The following SCAPER variants were observed in gnomAD, a reference collection of about 807,000 sequenced individuals.
SCAPER encodes the protein S phase cyclin A-associated protein in the endoplasmic reticulum.
SCAPER carries 98 observed loss-of-function variants against 182.2 expected under a neutral mutation model. That is an observed-to-expected ratio of 0.54 (90% CI 0.46 to 0.64). The LOEUF (loss-of-function observed/expected upper bound fraction) is 0.64, where lower values mean the gene tolerates loss of function less well. SCAPER is among the 30% of genes least tolerant of loss of function. SCAPER has a pLI of 0.00. For synonymous variants in SCAPER, 605 were observed against 564.6 expected (o/e 1.07, Z -1.01); for missense variants, 1,432 against 1,690.0 (o/e 0.85, Z 2.68).
At chr15:76,724,726 G>C (rs984365540) in intron 17 of SCAPER, among the ~76,000 whole-genome samples, 6 of 152,110 alleles carry the variant, frequency 3.9e-5, no homozygotes, top group Non-Finnish European at 7.4e-5. Context: ...ATTAGTTACT[G>C]AGTCTTGTGC....
At chr15:76,485,795 T>TA (rs1329036474) in intron 24 of SCAPER, among the ~76,000 whole-genome samples, 3 of 152,200 alleles carry the variant, frequency 2.0e-5, no homozygotes, top group Non-Finnish European at 4.4e-5. Context: ...AAAGACTCCC[T>TA]ATTCAATAAA....
In SCAPER at chr15:76,574,264, T is replaced by C; in HGVS notation, c.2732A>G (p.Asp911Gly). ...YKAKLQRLAK[D>G]LLKQVQVQDS... ...TTGAACTTGTACTTGTTTTAGAAGA[T>C]CTTTGGCTAATCGCTGAAGCCTTTA... The change falls in exon 23 of 32, where the codon GAT becomes GGT. Residue 911 changes from aspartate (D) to glycine (G), a missense_variant. By Grantham distance (94) the Asp-to-Gly change is moderately conservative. Coordinates refer to ENST00000563290, the MANE Select transcript of SCAPER (RefSeq NM_020843.4). The C allele has an allele frequency of 6.2e-7, 1 of 1,611,738 alleles. No individual in the cohort carries two copies. Among genetic ancestry groups the C allele is most frequent in the Non-Finnish European group, 8.5e-7 (1 of 1,178,836 alleles).
chr15:76,624,666 T>A (rs1400096226), intron 21 of SCAPER, among the ~76,000 whole-genome samples: 2 of 152,164 alleles, frequency 1.3e-5, no homozygotes, highest in Non-Finnish European at 2.9e-5. Flanking sequence ...GGGTTGTTAG[T>A]GAAGGTTCTG....
intron 26 of SCAPER, among the ~76,000 whole-genome samples, chr15:76,418,990 T>C (rs980570825): frequency 2.0e-5 from 3 of 152,196 alleles, no homozygotes; most frequent in African/African-American, 7.2e-5. Context: ...GTCTGCCAGA[T>C]AGTGTCTCAG....
At chr15:76,761,768 G>A (rs1371163080) in intron 14 of SCAPER, among the ~76,000 whole-genome samples, 2 of 151,824 alleles carry the variant, frequency 1.3e-5, no homozygotes, top group Non-Finnish European at 2.9e-5. Context: ...CTGATTTGGG[G>A]GTAGAAAATC....
chr15:76,523,202 A>AAAT (rs762191677), intron 23 of SCAPER, among the ~76,000 whole-genome samples: 5 of 152,074 alleles, frequency 3.3e-5, no homozygotes, highest in Non-Finnish European at 7.4e-5. Context: ...TTACCTTATA[A>AAAT]AGGGGTTCAC....
chr15:76,622,325 C>T (rs1322307406), intron 21 of SCAPER, among the ~76,000 whole-genome samples: 1 of 151,916 alleles, frequency 6.6e-6, no homozygotes, highest in African/African-American at 2.4e-5. Flanking sequence ...GTTAACTGCT[C>T]ATCCAAAGGA....
At chr15:76,512,740 C>G (rs887859908) in intron 23 of SCAPER, among the ~76,000 whole-genome samples, 6 of 151,898 alleles carry the variant, frequency 4.0e-5, no homozygotes, top group Non-Finnish European at 1.5e-5. Flanking sequence ...AAGACACAAG[C>G]TCTAACAGAT....
chr15:76,872,438 A>C (rs1262818619), intron 2 of SCAPER, among the ~76,000 whole-genome samples: 1 of 152,160 alleles, frequency 6.6e-6, no homozygotes, highest in Non-Finnish European at 1.5e-5. Context: ...GAAAATCTTA[A>C]CAGTGTACAG....
chr15:76,621,974 C>T (rs2052107800), intron 21 of SCAPER, 145 bp from the exon 22 acceptor site: 1 of 582,124 alleles, frequency 1.7e-6, no homozygotes, highest in Admixed American at 3.0e-5. Context: ...CTATGTACCT[C>T]AAGAGTTATA....
intron 24 of SCAPER, among the ~76,000 whole-genome samples, chr15:76,474,587 A>G (rs866087073): frequency 2.6e-4 from 39 of 152,312 alleles, no homozygotes; most frequent in African/African-American, 8.7e-4. Context: ...AAACTGGAAT[A>G]TCTAAACTTT....
intron 5 of SCAPER, among the ~76,000 whole-genome samples, chr15:76,829,314 A>T (rs564304132): frequency 5.3e-5 from 8 of 152,256 alleles, no homozygotes; most frequent in Middle Eastern, 3.4e-3. Flanking sequence ...GAAAGGTGGG[A>T]GGGGACACAA....
Position 76,715,446 on chromosome 15 carries a change from T to G in SCAPER, c.2166-9462A>C, listed in dbSNP as rs1036154774. Among the ~76,000 whole-genome samples the G allele has an allele frequency of 9.9e-5, 15 of 152,164 alleles. No individual in the cohort carries two copies. The East Asian group carries it at 2.5e-3, about 25-fold the overall frequency. ...AAAGAGACACAGTGCCCCATCTGCCTAGAACTGGACTAGTCCCCCTACATT... is the reference window on the plus strand; with the variant it reads ...AAAGAGACACAGTGCCCCATCTGCCGAGAACTGGACTAGTCCCCCTACATT... On this transcript the variant is annotated intron_variant, in intron 17 of 31. Coordinates refer to ENST00000563290, the MANE Select transcript of SCAPER (RefSeq NM_020843.4).
chr15:76,742,730 T>C (rs2061613311), intron 15 of SCAPER, among the ~76,000 whole-genome samples: 1 of 151,904 alleles, frequency 6.6e-6, no homozygotes, highest in Non-Finnish European at 1.5e-5. Context: ...GGATTTGAAA[T>C]GGCCATTAAT....
chr15:76,844,271 GA>G (rs34092470), intron 4 of SCAPER, among the ~76,000 whole-genome samples: 32,490 of 125,066 alleles, frequency 0.26, 4,028 homozygotes, highest in Middle Eastern at 0.35. Context: ...ACAGAAAGAG[GA>G]AAAAAAAAAA....
At chr15:76,373,522 T>A (rs111654643) in intron 29 of SCAPER, among the ~76,000 whole-genome samples, 25 of 152,304 alleles carry the variant, frequency 1.6e-4, no homozygotes, top group African/African-American at 6.0e-4. Context: ...CTACTAGGCC[T>A]GGTCCACAGA....
intron 25 of SCAPER, among the ~76,000 whole-genome samples, chr15:76,440,915 TTTG>T (rs1389436215): frequency 0.12 from 7,339 of 63,180 alleles, 872 homozygotes; most frequent in African/African-American, 0.14. Flanking sequence ...TGGTTTTTTT[TTTG>T]TTTTTTTTTT....
chr15:76,622,297 G>A (rs1412474032), intron 21 of SCAPER, among the ~76,000 whole-genome samples: 1 of 151,874 alleles, frequency 6.6e-6, no homozygotes, highest in East Asian at 1.9e-4. Context: ...AAAAAAAGAG[G>A]AAAATGCCAA....
chr15:76,649,561 T>C (rs1450202579), intron 21 of SCAPER, among the ~76,000 whole-genome samples: 1 of 150,542 alleles, frequency 6.6e-6, no homozygotes, highest in Non-Finnish European at 1.5e-5. Flanking sequence ...ATTTTTAATA[T>C]TTATATTAAA....
Sources: allele counts gnomAD v4.1 joint callset (sites outside exome capture counted in the v4.1 genomes callset), GRCh38; gene constraint gnomAD v4.1.1; transcripts MANE v1.5; gene names NCBI Gene and HGNC (gene_info 2026-07-23, HGNC 2026-07-21).